Variants in ANO4 observed in about 807,000 individuals in gnomAD.
ANO4 encodes the protein anoctamin-4.
In ANO4, 69 loss-of-function variants were observed where a neutral mutation model predicts 141.9. The observed-to-expected ratio is 0.49, with a 90% CI of 0.40 to 0.59. The LOEUF (loss-of-function observed/expected upper bound fraction) is 0.59, where lower values mean the gene tolerates loss of function less well. Ranked by LOEUF, ANO4 falls within the 20% of genes least tolerant of loss-of-function variation. The pLI, the probability that ANO4 is intolerant of heterozygous loss-of-function variation, is 0.00. For synonymous variants in ANO4, 350 were observed against 394.3 expected (o/e 0.89, Z 1.33); for missense variants, 894 against 1,162.2 (o/e 0.77, Z 3.36).
In ANO4 at chr12:101,020,157, T is replaced by A. The variant is rs768097646; in HGVS notation, c.841+17T>A. On this transcript the variant is annotated intron_variant, in intron 9 of 27. Transcript: ENST00000392977. ...ACAAGATTGGTAAGTAGTATGTTAGTATAACAAACTACATTTGGCATTTGG... is the reference window on the plus strand; with the variant it reads ...ACAAGATTGGTAAGTAGTATGTTAGAATAACAAACTACATTTGGCATTTGG... 1.4e-5 allele frequency: 21 copies of A among 1,501,046 alleles called. No homozygotes were observed. The highest frequency in any genetic ancestry group is 1.8e-5 in the Non-Finnish European group (19 of 1,082,106). 93.0% of individuals were successfully genotyped at this position (1,501,046 alleles called of 1,614,324 possible). A position where few individuals can be genotyped will look rare whatever the true frequency, so the allele number is the denominator to read the frequency against.
At chr12:101,060,655 A>T (rs2048308041) in intron 14 of ANO4, among the ~76,000 whole-genome samples, 2 of 151,204 alleles carry the variant, frequency 1.3e-5, no homozygotes, top group African/African-American at 2.4e-5. Flanking sequence ...GTCTTTTTTG[A>T]CCTTTGTTGG....
chr12:101,045,771 T>G (rs575329318), intron 13 of ANO4, among the ~76,000 whole-genome samples: 1 of 152,292 alleles, frequency 6.6e-6, no homozygotes, highest in East Asian at 1.9e-4. Context: ...GGGACCCCGG[T>G]GGCCCTGCCC....
chr12:100,746,123 A>G (rs1315236324), intron 3 of ANO4, among the ~76,000 whole-genome samples: 1 of 152,184 alleles, frequency 6.6e-6, no homozygotes, highest in Non-Finnish European at 1.5e-5. Context: ...TTCTATGCAC[A>G]CCTCCTGAAA....
At chr12:101,022,331 C>T (rs543616590) in intron 9 of ANO4, among the ~76,000 whole-genome samples, 1 of 152,264 alleles carries the variant, frequency 6.6e-6, no homozygotes, top group Admixed American at 6.5e-5. Flanking sequence ...GAATTCTTCT[C>T]TCTTCTGAAT....
chr12:101,002,227 A>G (rs928496181), intron 8 of ANO4, among the ~76,000 whole-genome samples: 1 of 152,160 alleles, frequency 6.6e-6, no homozygotes, highest in Non-Finnish European at 1.5e-5. Flanking sequence ...ACTGGTTCCT[A>G]CAGTACCTGT....
chr12:100,802,499 C>CTA (rs778851227), intron 1 of ANO4, among the ~76,000 whole-genome samples: 64 of 152,194 alleles, frequency 4.2e-4, no homozygotes, highest in Non-Finnish European at 8.2e-4. Flanking sequence ...TGAAATTAGT[C>CTA]TAAAAAGATT....
chr12:100,938,214 C>T (rs1412523521), intron 3 of ANO4, among the ~76,000 whole-genome samples: 2 of 152,230 alleles, frequency 1.3e-5, no homozygotes, highest in African/African-American at 2.4e-5. Context: ...TCTCTATTCT[C>T]TCTATATCCA....
At chr12:101,116,844 CA>C in intron 25 of ANO4, 46 bp downstream of exon 25, 1 of 1,612,822 alleles carries the variant, frequency 6.2e-7, no homozygotes, top group Non-Finnish European at 8.5e-7. Flanking sequence ...GGGCTGGCTC[CA>C]CCGTGGGGAG....
At chr12:100,732,373 G>C (rs1289988237) in intron 1 of ANO4, among the ~76,000 whole-genome samples, 2 of 146,300 alleles carry the variant, frequency 1.4e-5, no homozygotes. Context: ...ATCATCTTTG[G>C]TGATGTGTCT....
Position 100,939,386 on chromosome 12 carries a change from C to T in ANO4, c.232C>T (p.Leu78Phe). 6.2e-7 allele frequency: 1 copy of T among 1,613,768 alleles called. No individual in the cohort carries two copies. Among genetic ancestry groups the T allele is most frequent in the Non-Finnish European group, 8.5e-7 (1 of 1,179,738 alleles). ...VSSPCKDDDS[L>F]LHPGNLTSTS... Reference sequence around the variant, plus strand: ...CAGTCCTTGCAAAGATGACGATTCTCTTCTTCACCCTGGAAACCTGACTAG... The same window carrying T: ...CAGTCCTTGCAAAGATGACGATTCTTTTCTTCACCCTGGAAACCTGACTAG... Residue 78 changes from leucine to phenylalanine, a missense_variant, in exon 4 of 28, where the codon CTT (leucine) becomes TTT (phenylalanine). Physicochemically the swap from Leu to Phe is conservative, Grantham distance 22. This residue lies in a region of ANO4 where 257 missense variants were observed against 253.0 expected (regional missense o/e 1.02). Transcript: ENST00000392977.
At chr12:100,925,544 A>G (rs2041829097) in intron 3 of ANO4, among the ~76,000 whole-genome samples, 1 of 151,882 alleles carries the variant, frequency 6.6e-6, no homozygotes. Context: ...TACCTAATGT[A>G]GATGACGGGT....
intron 22 of ANO4, among the ~76,000 whole-genome samples, chr12:101,104,457 A>G (rs1025655268): frequency 2.0e-5 from 3 of 151,040 alleles, no homozygotes; most frequent in Non-Finnish European, 4.4e-5. Context: ...ATTTTCGACT[A>G]TGCATTTTGA....
At position 101,037,192 on chromosome 12, in the gene ANO4, T is replaced by G. The variant is rs554910910; in HGVS notation, c.897+42T>G. On this transcript the variant is annotated intron_variant, in intron 10 of 27. Transcript: ENST00000392977. Reference sequence around the variant, plus strand: ...AATCTTTATCTTTCTTTCAATCGTTTGTTACTAAAGTCAGCTTCTAGAGAT... The same window carrying G: ...AATCTTTATCTTTCTTTCAATCGTTGGTTACTAAAGTCAGCTTCTAGAGAT... The G allele has an allele frequency of 1.1e-5, 18 of 1,593,978 alleles. No individual in the cohort carries two copies. The African/African-American group carries it at 1.9e-4, about 17-fold the overall frequency.
intron 3 of ANO4, among the ~76,000 whole-genome samples, chr12:100,773,279 A>G (rs1302346078): frequency 2.0e-5 from 3 of 152,184 alleles, no homozygotes; most frequent in Admixed American, 6.5e-5. Flanking sequence ...GCCTTCAAAT[A>G]CCATCACCTT....
intron 2 of ANO4, among the ~76,000 whole-genome samples, chr12:100,903,622 A>G (rs2136036943): frequency 6.6e-6 from 1 of 152,336 alleles, no homozygotes; most frequent in East Asian, 1.9e-4. Context: ...GACTAATTAC[A>G]AAGAATTGGC....
intron 14 of ANO4, among the ~76,000 whole-genome samples, chr12:101,055,735 G>A (rs1228724399): frequency 6.6e-6 from 1 of 151,422 alleles, no homozygotes; most frequent in African/African-American, 2.4e-5. Flanking sequence ...TGAAATCTTT[G>A]CCAAACTCAA....
intron 8 of ANO4, among the ~76,000 whole-genome samples, chr12:100,988,463 A>G (rs1257693627): frequency 2.0e-5 from 3 of 151,800 alleles, no homozygotes; most frequent in South Asian, 2.1e-4. Flanking sequence ...AAGATCAGGA[A>G]TTCCAGGCCC....
chr12:101,068,371 C>G (rs1490720141), intron 14 of ANO4: 1 of 1,050,448 alleles, frequency 9.5e-7, no homozygotes, highest in Non-Finnish European at 1.5e-6. Context: ...GGTCTTTGAC[C>G]AAAGAAGAAT....
At chr12:100,747,803 G>A (rs1301803049) in intron 3 of ANO4, among the ~76,000 whole-genome samples, 2 of 152,236 alleles carry the variant, frequency 1.3e-5, no homozygotes, top group South Asian at 2.1e-4. Context: ...AACCCGGGAG[G>A]TGAAGGTTGC....
Sources: allele counts gnomAD v4.1 joint callset (sites outside exome capture counted in the v4.1 genomes callset), GRCh38; gene constraint gnomAD v4.1.1; regional missense constraint gnomAD v4.1.1; transcripts MANE v1.5; gene names NCBI Gene and HGNC (gene_info 2026-07-23, HGNC 2026-07-21).